Variants in PLEKHM3 observed in about 807,000 individuals in gnomAD.
The protein encoded by PLEKHM3 is pleckstrin homology domain containing M3.
In PLEKHM3, 45 loss-of-function variants were observed where a neutral mutation model predicts 81.8. The ratio of observed to expected loss-of-function variants is 0.55; its 90% CI spans 0.43 to 0.71. PLEKHM3 has a LOEUF of 0.71. Among genes scored for constraint, PLEKHM3 ranks in the 30% least tolerant of loss-of-function variants. The pLI, the probability that PLEKHM3 is intolerant of heterozygous loss-of-function variation, is 0.00. For synonymous variants in PLEKHM3, 352 were observed against 356.4 expected (o/e 0.99, Z 0.14); for missense variants, 788 against 924.3 (o/e 0.85, Z 1.91).
At chr2:207,888,344 C>A (rs1240029565) in intron 6 of PLEKHM3, among the ~76,000 whole-genome samples, 1 of 105,358 alleles carries the variant, frequency 9.5e-6, no homozygotes, top group Non-Finnish European at 1.9e-5. Context: ...CCTTATCCTG[C>A]TTTTCTTCAT....
At chr2:207,880,711 C>A (rs1427841193) in intron 6 of PLEKHM3, among the ~76,000 whole-genome samples, 1 of 118,270 alleles carries the variant, frequency 8.5e-6, no homozygotes, top group South Asian at 2.9e-4. Flanking sequence ...TGCAGTGAGC[C>A]GAGATCGTGC....
At chr2:208,020,176 C>A (rs1478868007) in intron 1 of PLEKHM3, among the ~76,000 whole-genome samples, 5 of 151,828 alleles carry the variant, frequency 3.3e-5, no homozygotes, top group Admixed American at 1.3e-4. Flanking sequence ...CTGGCTAATG[C>A]GAGACAGAAG....
At chr2:207,990,853 T>C (rs986566569) in intron 2 of PLEKHM3, among the ~76,000 whole-genome samples, 3 of 152,242 alleles carry the variant, frequency 2.0e-5, no homozygotes, top group Admixed American at 6.5e-5. Flanking sequence ...GGATATTCCA[T>C]TCATTTTCCC....
intron 5 of PLEKHM3, among the ~76,000 whole-genome samples, chr2:207,923,615 C>T (rs1367332552): frequency 6.6e-6 from 1 of 151,764 alleles, no homozygotes. Flanking sequence ...CTCACACACA[C>T]ACACGCTCAT....
intron 4 of PLEKHM3, among the ~76,000 whole-genome samples, chr2:207,945,813 A>C (rs1446588067): frequency 6.6e-6 from 1 of 152,120 alleles, no homozygotes; most frequent in Non-Finnish European, 1.5e-5. Context: ...AGGCACAAGA[A>C]TCACTTGAAC....
chr2:207,988,925 G>A (rs1691810424), intron 2 of PLEKHM3, among the ~76,000 whole-genome samples: 1 of 152,080 alleles, frequency 6.6e-6, no homozygotes, highest in African/African-American at 2.4e-5. Flanking sequence ...TTCTCTGTCT[G>A]GGGCTTCTCT....
At chr2:207,831,361 C>A (rs1001485528) in intron 7 of PLEKHM3, among the ~76,000 whole-genome samples, 9 of 152,218 alleles carry the variant, frequency 5.9e-5, no homozygotes, top group Non-Finnish European at 1.0e-4. Context: ...AAGGCTCTTA[C>A]CGAGCACCAC....
At position 207,827,243 on chromosome 2, in the gene PLEKHM3, T is replaced by C. The variant is rs961866211; in HGVS notation, c.*1076A>G. ...AAATGAGAAAGCAAGAATGGTCACA[T>C]TGACAAAGGTCGAAATGAAAGTGCA... On this transcript the variant is annotated 3_prime_UTR_variant, in exon 8 of 8. Coordinates refer to ENST00000427836, the MANE Select transcript of PLEKHM3 (RefSeq NM_001080475.3). 5 of 152,166 alleles carry C rather than the reference T, an allele frequency of 3.3e-5. No individual in the cohort carries two copies. The highest frequency in any genetic ancestry group is 7.4e-5 in the Non-Finnish European group (5 of 68,026). The allele number at this position is 152,166 out of a possible 1,614,324, so 9.4% of individuals were successfully genotyped here.
chr2:207,999,939 A>T (rs975643130), intron 2 of PLEKHM3, among the ~76,000 whole-genome samples: 1 of 152,226 alleles, frequency 6.6e-6, no homozygotes, highest in Admixed American at 6.5e-5. Flanking sequence ...AATGTCTCCT[A>T]GTTAATTGAG....
intron 3 of PLEKHM3, among the ~76,000 whole-genome samples, chr2:207,975,743 C>T (rs990829619): frequency 2.6e-5 from 4 of 151,604 alleles, no homozygotes; most frequent in South Asian, 2.1e-4. Context: ...ATTACAAGCA[C>T]CCACCACCAA....
At chr2:207,982,959 A>G (rs760395021) in intron 2 of PLEKHM3, among the ~76,000 whole-genome samples, 80 of 152,036 alleles carry the variant, frequency 5.3e-4, no homozygotes, top group Non-Finnish European at 8.8e-5. Flanking sequence ...CATACAAAAT[A>G]TGTGTTAATT....
At chr2:207,890,066 A>C (rs985630997) in intron 6 of PLEKHM3, among the ~76,000 whole-genome samples, 3 of 152,084 alleles carry the variant, frequency 2.0e-5, no homozygotes, top group Non-Finnish European at 4.4e-5. Context: ...TGGCCTCCCA[A>C]AGTGCTGGGA....
At chr2:207,985,421 C>T (rs1359294968) in intron 2 of PLEKHM3, among the ~76,000 whole-genome samples, 1 of 151,870 alleles carries the variant, frequency 6.6e-6, no homozygotes, top group Non-Finnish European at 1.5e-5. Context: ...CTATTTCATG[C>T]TCATCAAATA....
chr2:207,887,335 C>T (rs908342001), intron 6 of PLEKHM3, among the ~76,000 whole-genome samples: 4 of 152,200 alleles, frequency 2.6e-5, no homozygotes, highest in Admixed American at 2.0e-4. Context: ...ACTTGACCAA[C>T]AGCAAGTCTG....
At chr2:207,963,132 G>A (rs962874300) in intron 3 of PLEKHM3, among the ~76,000 whole-genome samples, 4 of 152,096 alleles carry the variant, frequency 2.6e-5, no homozygotes, top group Non-Finnish European at 4.4e-5. Context: ...TCAGTGTGCC[G>A]GGATGGAGAG....
intron 2 of PLEKHM3, among the ~76,000 whole-genome samples, chr2:207,992,719 T>A (rs746753765): frequency 6.7e-6 from 1 of 149,052 alleles, no homozygotes; most frequent in Non-Finnish European, 1.5e-5. Flanking sequence ...GAACATAAAG[T>A]GAAAGGGAAG....
At chr2:207,893,677 G>A (rs1688134065) in intron 6 of PLEKHM3, among the ~76,000 whole-genome samples, 1 of 152,082 alleles carries the variant, frequency 6.6e-6, no homozygotes, top group African/African-American at 2.4e-5. Context: ...GCATGACAGA[G>A]AGAGAGAGAA....
At chr2:207,948,104 C>G (rs182725180) in intron 3 of PLEKHM3, among the ~76,000 whole-genome samples, 36 of 152,210 alleles carry the variant, frequency 2.4e-4, no homozygotes, top group Non-Finnish European at 3.2e-4. Context: ...ATAACAAGCT[C>G]CTGTTCTTCA....
chr2:207,891,634 GT>G, intron 6 of PLEKHM3, among the ~76,000 whole-genome samples: 1 of 152,312 alleles, frequency 6.6e-6, no homozygotes, highest in Non-Finnish European at 1.5e-5. Flanking sequence ...GGACCGAGCA[GT>G]CCTAAAGAAA....
Sources: gnomAD v4.1 joint callset for allele counts (sites outside exome capture counted in the v4.1 genomes callset) on GRCh38, gnomAD v4.1.1 for gene constraint, MANE v1.5 for transcripts, NCBI Gene and HGNC (gene_info 2026-07-23, HGNC 2026-07-21) for gene names.